Variants in CPPED1 observed in about 807,000 individuals in gnomAD.
CPPED1 encodes serine/threonine-protein phosphatase CPPED1.
In CPPED1, 28 loss-of-function variants were observed where a neutral mutation model predicts 28.0. The ratio of observed to expected loss-of-function variants is 1.00; its 90% CI spans 0.74 to 1.37. The LOEUF is 1.37. Ranked by LOEUF, CPPED1 falls within the 40% of genes most tolerant of loss-of-function variation. CPPED1 has a pLI of 0.00. For synonymous variants in CPPED1, 198 were observed against 180.2 expected (o/e 1.10, Z -0.79); for missense variants, 504 against 416.5 (o/e 1.21, Z -1.83).
intron 3 of CPPED1, among the ~76,000 whole-genome samples, chr16:12,676,102 C>A (rs1176025197): frequency 6.6e-6 from 1 of 152,200 alleles, no homozygotes; most frequent in African/African-American, 2.4e-5. Flanking sequence ...TAGATTCCAG[C>A]ATATTTGCTC....
chr16:12,679,084 T>C (rs991949397), intron 3 of CPPED1, among the ~76,000 whole-genome samples: 3 of 152,202 alleles, frequency 2.0e-5, no homozygotes, highest in Non-Finnish European at 4.4e-5. Flanking sequence ...GCTCATTCTT[T>C]GGTGATCTCA....
chr16:12,686,044 C>T (rs942890668), intron 3 of CPPED1, among the ~76,000 whole-genome samples: 35 of 151,912 alleles, frequency 2.3e-4, no homozygotes, highest in African/African-American at 8.0e-4. Context: ...CTGAGCCACC[C>T]GTGGCCCTCT....
chr16:12,718,148 G>A (rs2080117329), intron 2 of CPPED1, among the ~76,000 whole-genome samples: 1 of 152,208 alleles, frequency 6.6e-6, no homozygotes, highest in African/African-American at 2.4e-5. Context: ...TCAATGTTGA[G>A]ATACAAGATT....
At chr16:12,690,662 C>CAAAAAAAAAAA (rs748989286) in intron 3 of CPPED1, among the ~76,000 whole-genome samples, 1 of 94,678 alleles carries the variant, frequency 1.1e-5, no homozygotes, top group Non-Finnish European at 2.3e-5. Flanking sequence ...TAGTTTCTAC[C>CAAAAAAAAAAA]AAAAAAAAAA....
intron 2 of CPPED1, among the ~76,000 whole-genome samples, chr16:12,748,254 A>G (rs1221399588): frequency 6.6e-6 from 1 of 152,318 alleles, no homozygotes; most frequent in Admixed American, 6.5e-5. Context: ...TGTTATACTC[A>G]TATATGGTAA....
intron 2 of CPPED1, among the ~76,000 whole-genome samples, chr16:12,727,031 T>G (rs534521474): frequency 6.6e-6 from 1 of 152,168 alleles, no homozygotes; most frequent in South Asian, 2.1e-4. Context: ...AGGACCATCC[T>G]CACAGCACCT....
intron 3 of CPPED1, among the ~76,000 whole-genome samples, chr16:12,698,439 TA>T (rs1289702322): frequency 2.0e-5 from 3 of 152,138 alleles, no homozygotes; most frequent in Non-Finnish European, 4.4e-5. Flanking sequence ...GAATTTTTTT[TA>T]TTTATTTTTG....
At chr16:12,734,520 C>T (rs1461565906) in intron 2 of CPPED1, among the ~76,000 whole-genome samples, 3 of 152,154 alleles carry the variant, frequency 2.0e-5, no homozygotes, top group South Asian at 2.1e-4. Flanking sequence ...GCTGGGACTA[C>T]GGGCGCCAGC....
intron 1 of CPPED1, among the ~76,000 whole-genome samples, chr16:12,793,020 C>G (rs2080605952): frequency 6.6e-6 from 1 of 152,162 alleles, no homozygotes; most frequent in Non-Finnish European, 1.5e-5. Context: ...AGCTCAAATG[C>G]TCCCTGCCCT....
chr16:12,765,702 T>C lies in CPPED1; in HGVS notation c.289+15483A>G, dbSNP rs531112069. 2.6e-5 allele frequency among the ~76,000 whole-genome samples: 4 copies of C among 152,350 alleles called. No individual in the cohort carries two copies. The South Asian group carries it at 6.2e-4, about 24-fold the overall frequency. ...CAAATAATACATATTGAATAGAACC[T>C]ACCATGGCTTTCCAATAAACTACTT... On this transcript the variant is annotated intron_variant, in intron 2 of 3. Coordinates refer to ENST00000381774, the MANE Select transcript of CPPED1 (RefSeq NM_018340.3).
rs561135368 is a variant in CPPED1 at position 12,772,143 on chromosome 16, CA to C, written c.289+9041del. 5.3e-3 allele frequency among the ~76,000 whole-genome samples: 792 copies of C among 150,262 alleles called. 10 individuals are homozygous for C. Among genetic ancestry groups the C allele is most frequent in the African/African-American group, 0.018 (748 of 40,968 alleles). ...GTCTGAAAAACAAAACAAAACAAAA[CA>C]AAAAAAAACAAAATTCCTAGTGAGG... On this transcript the variant is annotated intron_variant, in intron 2 of 3. Coordinates refer to ENST00000381774, the MANE Select transcript of CPPED1 (RefSeq NM_018340.3).
chr16:12,779,685 GT>G (rs1169766359), intron 2 of CPPED1, among the ~76,000 whole-genome samples: 1 of 152,008 alleles, frequency 6.6e-6, no homozygotes, highest in Non-Finnish European at 1.5e-5. Context: ...CCATTCTCAT[GT>G]TTTCATTATG....
At chr16:12,775,101 T>C (rs2080490111) in intron 2 of CPPED1, among the ~76,000 whole-genome samples, 1 of 152,152 alleles carries the variant, frequency 6.6e-6, no homozygotes. Context: ...ATTATAGATG[T>C]GGGTCACTGC....
intron 3 of CPPED1, among the ~76,000 whole-genome samples, chr16:12,673,030 A>G (rs1198269015): frequency 6.6e-6 from 1 of 152,072 alleles, no homozygotes; most frequent in Non-Finnish European, 1.5e-5. Flanking sequence ...AGAAAAAAGA[A>G]AAGAGAAAAA....
intron 2 of CPPED1, among the ~76,000 whole-genome samples, chr16:12,718,242 C>A (rs1004483973): frequency 1.3e-5 from 2 of 152,178 alleles, no homozygotes; most frequent in South Asian, 4.1e-4. Context: ...TGGCAACAAT[C>A]AAAAACTGTA....
chr16:12,665,173 G>GT lies in CPPED1; in HGVS notation c.716-59dup, dbSNP rs2141163152. 6 of 1,494,546 alleles carry GT rather than the reference G, an allele frequency of 4.0e-6. No individual in the cohort carries two copies. The Admixed American group carries it at 1.6e-4, about 39-fold the overall frequency. The allele number at this position is 1,494,546 out of a possible 1,614,324, so 92.6% of individuals were successfully genotyped here. On this transcript the variant is annotated intron_variant, in intron 3 of 3. Transcript: ENST00000381774. Reference sequence around the variant, plus strand: ...GAGGACTTCCATTAGGTAACCTAGGGTCTCCAGCATTTTATTCTGTGAACA... The same window carrying GT: ...GAGGACTTCCATTAGGTAACCTAGGGTTCTCCAGCATTTTATTCTGTGAACA...
chr16:12,727,428 C>G lies in CPPED1; in HGVS notation c.290-22379G>C, dbSNP rs542650924. Among the ~76,000 whole-genome samples, 3 of 152,264 alleles carry G rather than the reference C, an allele frequency of 2.0e-5. No homozygotes were observed. In the East Asian group the frequency reaches 5.8e-4, roughly 29 times the overall value. ...AGTGCAGTGGCATGACCATAATTCA[C>G]TACAGACTCGACCTCCTGGGATCAA... On this transcript the variant is annotated intron_variant, in intron 2 of 3. Transcript: ENST00000381774.
chr16:12,698,403 C>T (rs1385262467), intron 3 of CPPED1, among the ~76,000 whole-genome samples: 1 of 152,012 alleles, frequency 6.6e-6, no homozygotes, highest in Non-Finnish European at 1.5e-5. Flanking sequence ...TCCTGGGAAC[C>T]TGATCTTTTT....
At chr16:12,717,038 T>G (rs1376619833) in intron 2 of CPPED1, among the ~76,000 whole-genome samples, 3 of 151,878 alleles carry the variant, frequency 2.0e-5, no homozygotes, top group Non-Finnish European at 4.4e-5. Flanking sequence ...TAGGGCCTGC[T>G]GAACAGGGGG....
Sources: gnomAD v4.1 joint callset for allele counts (sites outside exome capture counted in the v4.1 genomes callset) on GRCh38, gnomAD v4.1.1 for gene constraint, MANE v1.5 for transcripts, NCBI Gene and HGNC (gene_info 2026-07-23, HGNC 2026-07-21) for gene names.